NCKAP5: variants seen among roughly 807,000 people sequenced by gnomAD.
NCKAP5 encodes the protein NCK associated protein 5, also known as nck-associated protein 5.
A neutral mutation model predicts 167.0 loss-of-function variants in NCKAP5; 92 were observed. The ratio of observed to expected loss-of-function variants is 0.55; its 90% CI spans 0.47 to 0.66. The LOEUF (loss-of-function observed/expected upper bound fraction) is 0.66. Ranked by LOEUF, NCKAP5 falls within the 30% of genes least tolerant of loss-of-function variation. The pLI is 0.00. For synonymous variants in NCKAP5, 891 were observed against 877.4 expected (o/e 1.02, Z -0.27); for missense variants, 2,378 against 2,315.0 (o/e 1.03, Z -0.56).
At chr2:133,614,159 C>T in the NCKAP5 span, among the ~76,000 whole-genome samples, 60 of 152,190 alleles carry the variant, frequency 3.9e-4, no homozygotes, top group Non-Finnish European at 6.5e-4. Context: ...CCTGAGATAC[C>T]AAAAAACTGT....
At chr2:133,165,157 C>A (rs2083948566) in intron 5 of NCKAP5, among the ~76,000 whole-genome samples, 1 of 152,160 alleles carries the variant, frequency 6.6e-6, no homozygotes, top group South Asian at 2.1e-4. Context: ...CAGACAGAGC[C>A]TACTACCCCA....
intron 19 of NCKAP5, among the ~76,000 whole-genome samples, chr2:132,705,054 G>T (rs893865480): frequency 5.9e-5 from 9 of 152,132 alleles, no homozygotes; most frequent in Non-Finnish European, 8.8e-5. Flanking sequence ...CAGGATAGAA[G>T]AAATCAGAAG....
chr2:133,289,387 C>T (rs565956155), intron 4 of NCKAP5, among the ~76,000 whole-genome samples: 6 of 147,094 alleles, frequency 4.1e-5, no homozygotes, highest in South Asian at 2.3e-4. Context: ...TTTGGCAGCC[C>T]GGGTCATTGT....
chr2:132,974,064 T>C (rs1256567299), intron 7 of NCKAP5, among the ~76,000 whole-genome samples: 2 of 152,206 alleles, frequency 1.3e-5, no homozygotes, highest in African/African-American at 4.8e-5. Context: ...AGCTACCCTC[T>C]GTTTCCAACT....
intron 19 of NCKAP5, among the ~76,000 whole-genome samples, chr2:132,691,627 C>T (rs1330536190): frequency 1.3e-5 from 2 of 152,190 alleles, no homozygotes; most frequent in African/African-American, 4.8e-5. Context: ...TAAAATGCCC[C>T]TTGATCAAAA....
Position 132,962,132 on chromosome 2 carries a change from C to T in NCKAP5, c.579+1588G>A, listed in dbSNP as rs147714471. 2.7e-3 allele frequency among the ~76,000 whole-genome samples: 411 copies of T among 152,276 alleles called. 1 individual carries two copies. The highest frequency in any genetic ancestry group is 9.6e-3 in the African/African-American group (399 of 41,556). Reference sequence around the variant, plus strand: ...CTTACCTGTCTGCCTTCGGTCACACCTGTGTGGAGTAGCCCAACTCTTTCA... The same window carrying T: ...CTTACCTGTCTGCCTTCGGTCACACTTGTGTGGAGTAGCCCAACTCTTTCA... On this transcript the variant is annotated intron_variant, in intron 8 of 19. Transcript: ENST00000409261.
chr2:133,417,251 A>G (rs1363321813), intron 3 of NCKAP5, among the ~76,000 whole-genome samples: 1 of 152,126 alleles, frequency 6.6e-6, no homozygotes, highest in South Asian at 2.1e-4. Flanking sequence ...TGTTCAGATC[A>G]GTCCTAGAGG....
At chr2:132,892,449 C>T (rs1459481898) in intron 8 of NCKAP5, among the ~76,000 whole-genome samples, 1 of 152,130 alleles carries the variant, frequency 6.6e-6, no homozygotes, top group Non-Finnish European at 1.5e-5. Flanking sequence ...GATGTGCTTT[C>T]AGAGATACAA....
At chr2:133,546,695 C>T (rs1431276177) in intron 2 of NCKAP5, among the ~76,000 whole-genome samples, 1 of 151,996 alleles carries the variant, frequency 6.6e-6, no homozygotes, top group Non-Finnish European at 1.5e-5. Context: ...AACAAAACAA[C>T]AACAAAAAAA....
At chr2:132,739,355 G>A (rs909705696) in intron 16 of NCKAP5, among the ~76,000 whole-genome samples, 2 of 152,152 alleles carry the variant, frequency 1.3e-5, no homozygotes, top group Non-Finnish European at 2.9e-5. Context: ...CCTGACTTTA[G>A]TTCTAAGTTA....
rs574786123 is a variant in NCKAP5, at chr2:132,791,848, C to T, written c.910-1643G>A. The stretch of plus-strand genomic sequence containing the variant: ...GTACACAGGGCATGTTTAATTTACT[C>T]TCTAATCAATACCTATAATGCTCAA... On this transcript the variant is annotated intron_variant, in intron 12 of 19. Transcript: ENST00000409261. Among the ~76,000 whole-genome samples, 83 of 152,266 alleles carry T rather than the reference C, an allele frequency of 5.5e-4. 1 individual carries two copies. In the South Asian group the frequency reaches 0.017, roughly 31 times the overall value.
At chr2:133,452,110 G>A (rs939328102) in intron 3 of NCKAP5, among the ~76,000 whole-genome samples, 1 of 152,146 alleles carries the variant, frequency 6.6e-6, no homozygotes, top group Non-Finnish European at 1.5e-5. Context: ...TCAATTATCT[G>A]AGACCTGTTA....
At chr2:133,507,082 C>T (rs186808117) in intron 3 of NCKAP5, among the ~76,000 whole-genome samples, 26 of 152,254 alleles carry the variant, frequency 1.7e-4, no homozygotes, top group Admixed American at 6.5e-5. Context: ...GAGTCTACTC[C>T]GGGAGGAAGG....
At chr2:132,697,523 TAG>T (rs2105205606) in intron 19 of NCKAP5, among the ~76,000 whole-genome samples, 1 of 151,972 alleles carries the variant, frequency 6.6e-6, no homozygotes, top group East Asian at 1.9e-4. Context: ...TTAACATAAA[TAG>T]AAAGAAAAAT....
chr2:133,164,404 G>A (rs2083920214), intron 5 of NCKAP5, among the ~76,000 whole-genome samples: 1 of 152,146 alleles, frequency 6.6e-6, no homozygotes, highest in Admixed American at 6.6e-5. Flanking sequence ...CTAGCTGTGG[G>A]TCTTGGCAAC....
intron 6 of NCKAP5, among the ~76,000 whole-genome samples, chr2:133,008,678 T>C (rs1452542547): frequency 2.6e-5 from 4 of 152,176 alleles, no homozygotes; most frequent in Admixed American, 2.6e-4. Flanking sequence ...GCATGCTTGA[T>C]CTTTAGGAAC....
At chr2:133,247,430 A>C (rs1412360245) in intron 4 of NCKAP5, among the ~76,000 whole-genome samples, 2 of 152,166 alleles carry the variant, frequency 1.3e-5, no homozygotes, top group African/African-American at 4.8e-5. Context: ...TCACATAAGA[A>C]TTTCCAAACC....
chr2:132,681,992 A>G (rs574099006), intron 19 of NCKAP5, among the ~76,000 whole-genome samples: 2 of 152,310 alleles, frequency 1.3e-5, no homozygotes, highest in South Asian at 4.1e-4. Context: ...TCCTACTGCA[A>G]TTCATGTTTT....
At chr2:133,633,880 C>T in the NCKAP5 span, among the ~76,000 whole-genome samples, 5 of 152,298 alleles carry the variant, frequency 3.3e-5, 1 homozygote, top group East Asian at 3.9e-4. Context: ...CCCCAAATCA[C>T]GTAATCTCTG....
Sources: allele counts gnomAD v4.1 joint callset (sites outside exome capture counted in the v4.1 genomes callset), GRCh38; gene constraint gnomAD v4.1.1; transcripts MANE v1.5; gene names NCBI Gene and HGNC (gene_info 2026-07-23, HGNC 2026-07-21).